The following MACROD2 variants were observed in gnomAD, a reference collection of about 807,000 sequenced individuals.
The protein encoded by MACROD2 is mono-ADP ribosylhydrolase 2, also known as ADP-ribose glycohydrolase MACROD2.
A neutral mutation model predicts 70.4 loss-of-function variants in MACROD2; 36 were observed. The observed-to-expected ratio is 0.51, with a 90% CI of 0.39 to 0.68. The LOEUF is 0.68. MACROD2 is among the 30% of genes least tolerant of loss of function. The pLI is 0.00. For missense variants in MACROD2, 496 were observed against 538.4 expected, an observed-to-expected ratio of 0.92 and a Z score of 0.78; for synonymous variants, 172 against 178.8, an observed-to-expected ratio of 0.96 and a Z score of 0.30.
intron 6 of MACROD2, among the ~76,000 whole-genome samples, chr20:15,292,735 A>G (rs2077551955): frequency 1.3e-5 from 2 of 152,242 alleles, no homozygotes. Flanking sequence ...ATTATAAAGT[A>G]TGGTAAGTAA....
intron 9 of MACROD2, among the ~76,000 whole-genome samples, chr20:15,880,062 A>T (rs901529352): frequency 2.0e-5 from 3 of 152,090 alleles, no homozygotes; most frequent in African/African-American, 7.2e-5. Context: ...GCTCACTCAC[A>T]TCAGGGAGGG....
chr20:14,068,615 G>C (rs1479958375), intron 2 of MACROD2, among the ~76,000 whole-genome samples: 1 of 152,136 alleles, frequency 6.6e-6, no homozygotes, highest in Non-Finnish European at 1.5e-5. Flanking sequence ...TGTTTTAAAG[G>C]ATAGTTAGGA....
At chr20:14,055,579 T>C (rs986025610) in intron 2 of MACROD2, among the ~76,000 whole-genome samples, 6 of 151,510 alleles carry the variant, frequency 4.0e-5, no homozygotes, top group African/African-American at 1.5e-4. Flanking sequence ...CATTTACCAG[T>C]CTGGGCATAG....
At chr20:14,473,080 G>A (rs2327852) in intron 3 of MACROD2, among the ~76,000 whole-genome samples, 2,890 of 152,002 alleles carry the variant, frequency 0.019, 62 homozygotes, top group Admixed American at 0.05. Flanking sequence ...GGAGTAGAAC[G>A]TGATGTTTCA....
chr20:14,122,283 A>C (rs1321992348), intron 3 of MACROD2, among the ~76,000 whole-genome samples: 1 of 152,166 alleles, frequency 6.6e-6, no homozygotes, highest in Non-Finnish European at 1.5e-5. Flanking sequence ...CTGTTTCCTC[A>C]TCTTTTAAGT....
chr20:14,784,679 G>GGC (rs1406916115), intron 5 of MACROD2, among the ~76,000 whole-genome samples: 1 of 131,062 alleles, frequency 7.6e-6, no homozygotes, highest in Non-Finnish European at 1.7e-5. Context: ...GGGGGGGGGG[G>GGC]GGCACCAGAT....
intron 8 of MACROD2, among the ~76,000 whole-genome samples, chr20:15,825,615 T>C (rs982628136): frequency 2.0e-5 from 3 of 152,006 alleles, no homozygotes; most frequent in Non-Finnish European, 4.4e-5. Flanking sequence ...ATAAAATGGT[T>C]TTTTAAAGCC....
chr20:15,845,916 C>T (rs544493451), intron 8 of MACROD2, among the ~76,000 whole-genome samples: 1 of 152,250 alleles, frequency 6.6e-6, no homozygotes, highest in Admixed American at 6.5e-5. Context: ...GAAATTTAAG[C>T]CTATTCTCTT....
intron 6 of MACROD2, among the ~76,000 whole-genome samples, chr20:15,380,651 A>G (rs1012490616): frequency 1.4e-4 from 22 of 152,204 alleles, no homozygotes; most frequent in Middle Eastern, 6.8e-3. Flanking sequence ...TATCTTCCCA[A>G]CTCTGTTTTT....
intron 5 of MACROD2, among the ~76,000 whole-genome samples, chr20:15,044,570 T>C (rs56036747): frequency 0.022 from 3,305 of 152,262 alleles, 58 homozygotes; most frequent in Non-Finnish European, 0.034. Flanking sequence ...GCCTTCTGGC[T>C]TCTTTTTGGG....
intron 6 of MACROD2, among the ~76,000 whole-genome samples, chr20:15,311,278 A>AAAAAC (rs758694216): frequency 6.6e-6 from 1 of 152,236 alleles, no homozygotes; most frequent in African/African-American, 2.4e-5. Flanking sequence ...AAACATAAGC[A>AAAAAC]AAAACAAAAC....
intron 13 of MACROD2, among the ~76,000 whole-genome samples, chr20:15,976,189 T>C (rs1461216861): frequency 6.6e-6 from 1 of 152,242 alleles, no homozygotes; most frequent in Non-Finnish European, 1.5e-5. Context: ...TGCTTCATTC[T>C]AGACTGATGT....
At chr20:15,812,903 G>A (rs1445887396) in intron 8 of MACROD2, among the ~76,000 whole-genome samples, 1 of 152,164 alleles carries the variant, frequency 6.6e-6, no homozygotes, top group African/African-American at 2.4e-5. Flanking sequence ...TATTATGACA[G>A]AGAAATGTGA....
At chr20:15,483,163 T>A (rs891310213) in intron 7 of MACROD2, among the ~76,000 whole-genome samples, 1 of 152,204 alleles carries the variant, frequency 6.6e-6, no homozygotes, top group African/African-American at 2.4e-5. Context: ...GGTTTTATCC[T>A]GTTATCCCCT....
chr20:15,356,484 C>T (rs1178366922), intron 6 of MACROD2, among the ~76,000 whole-genome samples: 1 of 152,010 alleles, frequency 6.6e-6, no homozygotes, highest in Non-Finnish European at 1.5e-5. Flanking sequence ...TTAACAATGA[C>T]CTATAATTTA....
At chr20:14,918,958 G>C (rs747680905) in intron 5 of MACROD2, among the ~76,000 whole-genome samples, 2 of 152,044 alleles carry the variant, frequency 1.3e-5, no homozygotes, top group African/African-American at 2.4e-5. Context: ...AACCCCCTGA[G>C]ACTCAAGGGA....
intron 15 of MACROD2, among the ~76,000 whole-genome samples, chr20:16,021,284 A>G (rs2066997872): frequency 6.6e-6 from 1 of 152,158 alleles, no homozygotes; most frequent in African/African-American, 2.4e-5. Flanking sequence ...TCTCCTGGAC[A>G]TTGCCTCATC....
intron 5 of MACROD2, among the ~76,000 whole-genome samples, chr20:15,028,663 G>A (rs2075251583): frequency 6.6e-6 from 1 of 152,076 alleles, no homozygotes; most frequent in Non-Finnish European, 1.5e-5. Context: ...CTCCCTGGAA[G>A]GTCAAGGGAA....
intron 6 of MACROD2, among the ~76,000 whole-genome samples, chr20:15,255,775 T>A (rs2077194317): frequency 6.6e-6 from 1 of 152,144 alleles, no homozygotes; most frequent in African/African-American, 2.4e-5. Flanking sequence ...CAGGTATGTC[T>A]GATCCCAGGA....
Sources: gnomAD v4.1 joint callset for allele counts (sites outside exome capture counted in the v4.1 genomes callset) on GRCh38, gnomAD v4.1.1 for gene constraint, MANE v1.5 for transcripts, NCBI Gene and HGNC (gene_info 2026-07-23, HGNC 2026-07-21) for gene names.